Variants in FOCAD observed in about 807,000 individuals in gnomAD.
The protein encoded by FOCAD is focadhesin.
A neutral mutation model predicts 225.6 loss-of-function variants in FOCAD; 198 were observed. The observed-to-expected ratio is 0.88, with a 90% confidence interval of 0.78 to 0.99. The LOEUF (loss-of-function observed/expected upper bound fraction) is 0.99. FOCAD is among the 50% of genes least tolerant of loss of function. The probability of loss-of-function intolerance (pLI) is 0.00; values close to 1 mark genes in which losing one functional copy is unlikely to be tolerated. For synonymous variants in FOCAD, 897 were observed against 755.0 expected, an observed-to-expected ratio of 1.19 and a Z score of -3.08; for missense variants, 2,713 against 2,123.6, an observed-to-expected ratio of 1.28 and a Z score of -5.46.
intron 2 of FOCAD, among the ~76,000 whole-genome samples, chr9:20,663,366 G>C (rs1450201895): frequency 6.6e-6 from 1 of 151,850 alleles, no homozygotes; most frequent in African/African-American, 2.4e-5. Flanking sequence ...GAAAAAACAA[G>C]CAAGCAAACA....
chr9:20,931,722 A>G (rs1190665554), intron 27 of FOCAD, among the ~76,000 whole-genome samples: 1 of 152,142 alleles, frequency 6.6e-6, no homozygotes. Flanking sequence ...CAAGGCGGGC[A>G]GATCATGTAA....
chr9:20,792,393 A>G (rs1820627049), intron 11 of FOCAD, among the ~76,000 whole-genome samples: 1 of 152,228 alleles, frequency 6.6e-6, no homozygotes. Flanking sequence ...TGACTGATTT[A>G]TAAAATAGAA....
At chr9:20,806,198 T>C (rs1822433550) in intron 11 of FOCAD, among the ~76,000 whole-genome samples, 1 of 152,224 alleles carries the variant, frequency 6.6e-6, no homozygotes, top group African/African-American at 2.4e-5. Flanking sequence ...CTAGTAAATA[T>C]GTTTTCAGAA....
At chr9:20,738,551 A>G (rs1415403540) in intron 4 of FOCAD, among the ~76,000 whole-genome samples, 4 of 152,214 alleles carry the variant, frequency 2.6e-5, no homozygotes, top group Non-Finnish European at 5.9e-5. Flanking sequence ...GAGAGAAACT[A>G]TACACATGTG....
chr9:20,765,825 G>C (rs1236481862), intron 7 of FOCAD, among the ~76,000 whole-genome samples: 1 of 152,090 alleles, frequency 6.6e-6, no homozygotes, highest in Non-Finnish European at 1.5e-5. Context: ...TTTGCTATTT[G>C]CCTGGAATCG....
At chr9:20,786,445 G>C (rs891519019) in intron 10 of FOCAD, among the ~76,000 whole-genome samples, 17 of 152,206 alleles carry the variant, frequency 1.1e-4, no homozygotes, top group African/African-American at 4.1e-4. Context: ...TCTTCATAGT[G>C]ATATAGTGCT....
intron 15 of FOCAD, among the ~76,000 whole-genome samples, chr9:20,851,757 C>T (rs957502745): frequency 2.0e-5 from 3 of 151,822 alleles, no homozygotes; most frequent in Non-Finnish European, 2.9e-5. Context: ...AATCTAATTG[C>T]TAAGCTGTAT....
At chr9:20,740,202 T>G in intron 4 of FOCAD, 34 bp from the exon 5 acceptor site, 2 of 1,297,558 alleles carry the variant, frequency 1.5e-6, no homozygotes, top group Non-Finnish European at 2.2e-6. Context: ...TCACTTTTTA[T>G]CTATAACATT....
Position 20,874,707 on chromosome 9 carries a change from A to G in FOCAD, c.2217A>G (p.Glu739=). Residue 739 remains glutamate, a synonymous_variant, in exon 19 of 44, where the codon GAA becomes GAG. Coordinates refer to ENST00000338382, the MANE Select transcript of FOCAD (RefSeq NM_001375567.1). ...EKIRPEIPIP[E]ELDDDEDVED... is the part of the protein sequence containing the mutation. The stretch of plus-strand genomic sequence containing the variant: ...TAAGACCAGAAATTCCCATTCCTGA[A>G]GAGTTAGATGACGATGAAGATGTTG... 3.7e-6 allele frequency: 6 copies of G among 1,613,576 alleles called. No individual in the cohort carries two copies. Among genetic ancestry groups the G allele is most frequent in the Non-Finnish European group, 4.2e-6 (5 of 1,179,662 alleles).
chr9:20,728,417 T>C (rs1233666333), intron 4 of FOCAD, among the ~76,000 whole-genome samples: 1 of 152,230 alleles, frequency 6.6e-6, no homozygotes, highest in Non-Finnish European at 1.5e-5. Context: ...AACAAAGTTT[T>C]AACTGTATTT....
intron 11 of FOCAD, among the ~76,000 whole-genome samples, chr9:20,802,494 C>G (rs1157362030): frequency 6.6e-6 from 1 of 152,014 alleles, no homozygotes; most frequent in Non-Finnish European, 1.5e-5. Context: ...TCAAGGGAAA[C>G]CATGTCTTAC....
At chr9:20,793,359 G>C (rs1820735534) in intron 11 of FOCAD, among the ~76,000 whole-genome samples, 1 of 152,152 alleles carries the variant, frequency 6.6e-6, no homozygotes. Flanking sequence ...AAAGCTTTCA[G>C]CTGGCATTTG....
chr9:20,762,764 C>T (rs968499157), intron 6 of FOCAD, among the ~76,000 whole-genome samples: 1 of 152,084 alleles, frequency 6.6e-6, no homozygotes. Context: ...TTTATTGATT[C>T]TGTCACCCCG....
At chr9:20,910,833 T>C (rs1201451745) in intron 22 of FOCAD, among the ~76,000 whole-genome samples, 1 of 152,020 alleles carries the variant, frequency 6.6e-6, no homozygotes, top group Non-Finnish European at 1.5e-5. Flanking sequence ...AAGGGAGACA[T>C]TCCAGAAAAG....
chr9:20,685,666 A>G (rs1216057876), intron 1 of FOCAD, among the ~76,000 whole-genome samples: 2 of 152,226 alleles, frequency 1.3e-5, no homozygotes, highest in Non-Finnish European at 2.9e-5. Context: ...TTGCTTTTAT[A>G]GATTAGTGGA....
At chr9:20,887,211 G>A (rs1831170194) in intron 21 of FOCAD, among the ~76,000 whole-genome samples, 1 of 151,286 alleles carries the variant, frequency 6.6e-6, no homozygotes, top group Non-Finnish European at 1.5e-5. Flanking sequence ...TTATTTCCAA[G>A]TATTTCTTCT....
At chr9:20,857,423 A>G (rs1482219423) in intron 15 of FOCAD, among the ~76,000 whole-genome samples, 1 of 151,962 alleles carries the variant, frequency 6.6e-6, no homozygotes, top group African/African-American at 2.4e-5. Flanking sequence ...TAGAAATGCT[A>G]CTGATTTTTG....
At position 20,885,144 on chromosome 9, in the gene FOCAD, CAGAGT is replaced by C. The variant is rs1282582939; in HGVS notation, c.2541_2545del (p.Ser848ArgfsTer26). The C allele has an allele frequency of 1.3e-6, 2 of 1,524,842 alleles. No homozygotes were observed. Among genetic ancestry groups the C allele is most frequent in the Non-Finnish European group, 1.8e-6 (2 of 1,134,004 alleles). 94.5% of individuals were successfully genotyped at this position (1,524,842 alleles called of 1,614,324 possible). A position where few individuals can be genotyped will look rare whatever the true frequency, so the allele number is the denominator to read the frequency against. ...ATTTTGCTATGATGTTTCCATGTAT[CAGAGT>C]AAAGATGGAAAACCATTGAACAGAC... On this transcript the variant is annotated frameshift_variant, in exon 21 of 44. Coordinates refer to ENST00000338382, the MANE Select transcript of FOCAD (RefSeq NM_001375567.1). LOFTEE classifies it high-confidence loss of function.
upstream of FOCAD, among the ~76,000 whole-genome samples, chr9:20,682,237 A>G (rs1485679898): frequency 6.6e-6 from 1 of 152,242 alleles, no homozygotes; most frequent in Non-Finnish European, 1.5e-5. Flanking sequence ...CCAGTCTAAG[A>G]TACTTTGTTA....
Sources: allele counts gnomAD v4.1 joint callset (sites outside exome capture counted in the v4.1 genomes callset), GRCh38; gene constraint gnomAD v4.1.1; transcripts MANE v1.5; gene names NCBI Gene and HGNC (gene_info 2026-07-23, HGNC 2026-07-21).